NRF1: variants seen among roughly 807,000 people sequenced by gnomAD.
NRF1 encodes the protein nuclear respiratory factor 1.
NRF1 carries 5 observed loss-of-function variants against 58.5 expected under a neutral mutation model. That is an observed-to-expected ratio of 0.09 (90% CI 0.04 to 0.18). The LOEUF (loss-of-function observed/expected upper bound fraction) is 0.18. NRF1 is among the 10% of genes least tolerant of loss of function. NRF1 has a pLI of 1.00. For missense variants in NRF1, 288 were observed against 657.7 expected (o/e 0.44, Z 6.15); for synonymous variants, 224 against 246.7 (o/e 0.91, Z 0.86).
intron 1 of NRF1, among the ~76,000 whole-genome samples, chr7:129,625,335 C>T (rs1479170511): frequency 6.6e-6 from 1 of 152,138 alleles, no homozygotes; most frequent in East Asian, 1.9e-4. Flanking sequence ...TTCACAGGTG[C>T]CAATGGTAAG....
At chr7:129,620,677 C>A (rs79281033) in intron 1 of NRF1, among the ~76,000 whole-genome samples, 3,949 of 152,222 alleles carry the variant, frequency 0.026, 59 homozygotes, top group Middle Eastern at 0.075. Context: ...TGAGCCACCG[C>A]ACTGGGCCCA....
At chr7:129,749,984 C>T (rs1335416332) in intron 10 of NRF1, among the ~76,000 whole-genome samples, 2 of 152,148 alleles carry the variant, frequency 1.3e-5, no homozygotes, top group African/African-American at 2.4e-5. Flanking sequence ...GCCCGTGGTT[C>T]TGGCTCTGAC....
intron 1 of NRF1, among the ~76,000 whole-genome samples, chr7:129,641,344 A>G (rs544466625): frequency 2.0e-4 from 30 of 152,026 alleles, no homozygotes; most frequent in Middle Eastern, 6.8e-3. Context: ...TGATCCATCA[A>G]CTTCCTGTAG....
At chr7:129,704,965 G>T in intron 5 of NRF1, among the ~76,000 whole-genome samples, 1 of 151,922 alleles carries the variant, frequency 6.6e-6, no homozygotes, top group East Asian at 1.9e-4. Context: ...GATGCTTAAA[G>T]CATCTACTTT....
intron 1 of NRF1, among the ~76,000 whole-genome samples, chr7:129,625,800 G>T (rs1317666269): frequency 6.8e-6 from 1 of 146,680 alleles, no homozygotes; most frequent in Non-Finnish European, 1.5e-5. Flanking sequence ...TCCTGCCTCA[G>T]CCTCCCGAGT....
At chr7:129,748,356 G>A (rs139049130) in intron 10 of NRF1, among the ~76,000 whole-genome samples, 7 of 151,528 alleles carry the variant, frequency 4.6e-5, no homozygotes, top group African/African-American at 1.7e-4. Flanking sequence ...GCAACTCCTT[G>A]GGAACAGGTC....
intron 4 of NRF1, among the ~76,000 whole-genome samples, chr7:129,687,321 C>T (rs1429828740): frequency 6.7e-6 from 1 of 149,928 alleles, no homozygotes; most frequent in Non-Finnish European, 1.5e-5. Flanking sequence ...GTTGCCCAGG[C>T]TGGAGTACAA....
rs1012564146 is a variant in NRF1, at chr7:129,685,125, A to T, written c.466-5281A>T. 1.9e-4 allele frequency among the ~76,000 whole-genome samples: 29 copies of T among 152,216 alleles called. 1 individual carries two copies. The highest frequency in any genetic ancestry group is 2.9e-4 in the African/African-American group (12 of 41,516). On this transcript the variant is annotated intron_variant, in intron 4 of 10. Transcript: ENST00000393232. ...GAGCTTGTAGAAAATTTAAAAAAAA[A>T]TTTTTTTTATGAGACCTTCCCAAAG...
intron 2 of NRF1, among the ~76,000 whole-genome samples, chr7:129,665,794 G>T (rs1235462461): frequency 6.6e-6 from 1 of 152,076 alleles, no homozygotes; most frequent in African/African-American, 2.4e-5. Flanking sequence ...TTAAATTTTT[G>T]CAGACATGCC....
rs539568191 is a variant in NRF1, at chr7:129,685,677, G to C, written c.466-4729G>C. Among the ~76,000 whole-genome samples the C allele has an allele frequency of 3.3e-5, 5 of 151,530 alleles. No individual in the cohort carries two copies. The South Asian group carries it at 8.4e-4, about 25-fold the overall frequency. ...CACTGGTTGTGTATAGTGTATTCTG[G>C]AAATAACAGTATAAGTGACACATGT... On this transcript the variant is annotated intron_variant, in intron 4 of 10. Coordinates refer to ENST00000393232, the MANE Select transcript of NRF1 (RefSeq NM_005011.5).
At chr7:129,619,383 A>T (rs1309444411) in intron 1 of NRF1, among the ~76,000 whole-genome samples, 1 of 113,794 alleles carries the variant, frequency 8.8e-6, no homozygotes, top group Admixed American at 1.0e-4. Flanking sequence ...TAAAAACTGG[A>T]CTTGGCATAC....
intron 5 of NRF1, among the ~76,000 whole-genome samples, chr7:129,698,732 G>T (rs1802753815): frequency 6.6e-6 from 1 of 152,204 alleles, no homozygotes; most frequent in Non-Finnish European, 1.5e-5. Flanking sequence ...TCTGGAATGG[G>T]CCTGAGGTTC....
intron 5 of NRF1, among the ~76,000 whole-genome samples, chr7:129,697,115 A>C (rs117288833): frequency 0.043 from 6,479 of 152,244 alleles, 169 homozygotes; most frequent in Middle Eastern, 0.12. Flanking sequence ...ACCATCTCTC[A>C]GCCATGCTTT....
intron 4 of NRF1, among the ~76,000 whole-genome samples, chr7:129,685,536 G>A (rs1802424247): frequency 6.7e-6 from 1 of 150,052 alleles, no homozygotes; most frequent in Non-Finnish European, 1.5e-5. Flanking sequence ...TGGGCAACAT[G>A]TAAGACCCTG....
At position 129,755,004 on chromosome 7, in the gene NRF1, CT is replaced by C. The variant is rs759917715; in HGVS notation, c.1349-11del. On this transcript the variant is annotated splice_polypyrimidine_tract_variant and intron_variant, in intron 10 of 10. Coordinates refer to ENST00000393232, the MANE Select transcript of NRF1 (RefSeq NM_005011.5). This position sits in a 1 kb window ranked among gnomAD's most constrained non-coding sequence, Gnocchi z 5.8. ...GCCTGAGCCCCACCAACGGTCTTCT[CT>C]TTGTCTCTCCAGGCCTGGTCCAGAT... The C allele has an allele frequency of 7.0e-6, 11 of 1,573,398 alleles. No individual in the cohort carries two copies. The highest frequency in any genetic ancestry group is 5.9e-5 in the South Asian group (5 of 85,108).
chr7:129,653,665 C>A (rs1273708390), intron 1 of NRF1, among the ~76,000 whole-genome samples: 2 of 152,168 alleles, frequency 1.3e-5, no homozygotes, highest in Non-Finnish European at 1.5e-5. Flanking sequence ...CCTTGGCAAC[C>A]TCTAATCTTT....
At chr7:129,621,054 C>T (rs976339606) in intron 1 of NRF1, among the ~76,000 whole-genome samples, 3 of 152,182 alleles carry the variant, frequency 2.0e-5, no homozygotes, top group African/African-American at 7.2e-5. Flanking sequence ...TTAAGAAATT[C>T]AAGCACATTA....
At chr7:129,699,225 C>T (rs565697116) in intron 5 of NRF1, among the ~76,000 whole-genome samples, 6 of 152,300 alleles carry the variant, frequency 3.9e-5, no homozygotes, top group African/African-American at 1.2e-4. Context: ...GTTATTCACA[C>T]GGCTTTTGAG....
intron 1 of NRF1, among the ~76,000 whole-genome samples, chr7:129,628,704 T>C (rs1258731494): frequency 6.6e-6 from 1 of 152,214 alleles, no homozygotes; most frequent in Non-Finnish European, 1.5e-5. Context: ...GAAGAGTATT[T>C]TAAGAGCCTT....
Sources: allele counts gnomAD v4.1 joint callset (sites outside exome capture counted in the v4.1 genomes callset), GRCh38; gene constraint gnomAD v4.1.1; non-coding constraint Gnocchi (gnomAD v3.1); transcripts MANE v1.5; gene names NCBI Gene and HGNC (gene_info 2026-07-23, HGNC 2026-07-21).